Variants in SLC35F3 observed in about 807,000 individuals in gnomAD.
SLC35F3 encodes putative thiamine transporter SLC35F3.
In SLC35F3, 25 loss-of-function variants were observed where a neutral mutation model predicts 49.9. That is an observed-to-expected ratio of 0.50 (90% CI 0.37 to 0.70). The LOEUF (loss-of-function observed/expected upper bound fraction) is 0.70, where lower values mean the gene tolerates loss of function less well. Ranked by LOEUF, SLC35F3 falls within the 30% of genes least tolerant of loss-of-function variation. The pLI is 0.00. For missense variants in SLC35F3, 525 were observed against 639.8 expected (o/e 0.82, Z 1.94); for synonymous variants, 275 against 265.4 (o/e 1.04, Z -0.35).
chr1:233,962,651 G>GT (rs1662823093), intron 2 of SLC35F3, among the ~76,000 whole-genome samples: 5 of 152,284 alleles, frequency 3.3e-5, no homozygotes, highest in African/African-American at 1.2e-4. Context: ...GTACCTTGAG[G>GT]AGTTGCTTCA....
intron 3 of SLC35F3, among the ~76,000 whole-genome samples, chr1:234,274,880 A>C (rs1055568419): frequency 6.6e-6 from 1 of 152,236 alleles, no homozygotes; most frequent in Non-Finnish European, 1.5e-5. Context: ...AAGAACAAAA[A>C]ATGCCATGCA....
chr1:234,113,128 C>G (rs936745143), intron 2 of SLC35F3, among the ~76,000 whole-genome samples: 2 of 152,104 alleles, frequency 1.3e-5, no homozygotes, highest in Non-Finnish European at 1.5e-5. Context: ...ATGTGCTGTG[C>G]TTAAAGTTTC....
intron 2 of SLC35F3, among the ~76,000 whole-genome samples, chr1:234,107,929 C>T (rs1665308734): frequency 6.6e-6 from 1 of 151,792 alleles, no homozygotes; most frequent in Non-Finnish European, 1.5e-5. Flanking sequence ...ATTTGGAAAA[C>T]CTGACTTGCT....
intron 2 of SLC35F3, among the ~76,000 whole-genome samples, chr1:233,963,351 A>G (rs1662837896): frequency 6.8e-6 from 1 of 147,110 alleles, no homozygotes; most frequent in Non-Finnish European, 1.5e-5. Context: ...CCCAGACTGG[A>G]GTGCAGTGGT....
At chr1:234,206,233 A>T (rs920473836) in intron 2 of SLC35F3, among the ~76,000 whole-genome samples, 3 of 152,112 alleles carry the variant, frequency 2.0e-5, no homozygotes, top group African/African-American at 7.2e-5. Context: ...GTGGAGCAGC[A>T]GAGCTGGGTC....
chr1:234,207,422 C>T (rs796903527), intron 2 of SLC35F3, among the ~76,000 whole-genome samples: 1 of 1,700 alleles, frequency 5.9e-4, no homozygotes, highest in Non-Finnish European at 1.7e-3. Context: ...TCCTTTCTCC[C>T]TCCCTCTTTC....
chr1:234,275,445 C>G (rs1668188769), intron 3 of SLC35F3, among the ~76,000 whole-genome samples: 1 of 152,102 alleles, frequency 6.6e-6, no homozygotes, highest in Non-Finnish European at 1.5e-5. Context: ...CCCCTGAATT[C>G]CTTATTTTAT....
intron 2 of SLC35F3, among the ~76,000 whole-genome samples, chr1:233,990,655 A>G (rs1663340469): frequency 6.6e-6 from 1 of 152,186 alleles, no homozygotes; most frequent in Non-Finnish European, 1.5e-5. Context: ...CTGTGAGGTG[A>G]TGGATATGTG....
intron 2 of SLC35F3, among the ~76,000 whole-genome samples, chr1:234,076,986 G>C (rs1664801014): frequency 1.4e-5 from 2 of 138,486 alleles, no homozygotes; most frequent in Non-Finnish European, 3.0e-5. Context: ...AAAAGAAAGA[G>C]GTTTTTTTTT....
At chr1:234,112,720 T>TA (rs1665427191) in intron 2 of SLC35F3, among the ~76,000 whole-genome samples, 1 of 72,824 alleles carries the variant, frequency 1.4e-5, no homozygotes, top group African/African-American at 5.0e-5. Flanking sequence ...CATGCCCAGC[T>TA]AATTTTTTTT....
At chr1:234,168,920 GA>G (rs1666357134) in intron 2 of SLC35F3, among the ~76,000 whole-genome samples, 1 of 152,154 alleles carries the variant, frequency 6.6e-6, no homozygotes, top group Non-Finnish European at 1.5e-5. Flanking sequence ...TTTATTATGG[GA>G]ATTGGCTTAC....
rs562270619 is a variant in SLC35F3, at chr1:234,227,122, C to A, written c.284-4295C>A. Among the ~76,000 whole-genome samples the A allele has an allele frequency of 2.6e-5, 4 of 152,292 alleles. No individual in the cohort carries two copies. In the South Asian group the frequency reaches 8.3e-4, roughly 32 times the overall value. The stretch of plus-strand genomic sequence containing the variant: ...AGGGAGATGTTTGAATCCACAATTA[C>A]AGCGTCTGTCAGCACGAGCATTGGG... On this transcript the variant is annotated intron_variant, in intron 2 of 7. Coordinates refer to ENST00000366618, the MANE Select transcript of SLC35F3 (RefSeq NM_173508.4).
chr1:234,128,492 T>A (rs1417451743), intron 2 of SLC35F3, among the ~76,000 whole-genome samples: 1 of 151,930 alleles, frequency 6.6e-6, no homozygotes, highest in Admixed American at 6.6e-5. Flanking sequence ...GGGTGAGGGA[T>A]GAGAATGAGG....
chr1:234,056,092 T>G (rs533412607), intron 2 of SLC35F3, among the ~76,000 whole-genome samples: 5 of 152,276 alleles, frequency 3.3e-5, no homozygotes, highest in African/African-American at 7.2e-5. Flanking sequence ...CTGAATTGAT[T>G]TGAGTGTCTC....
At chr1:234,164,305 CCT>C (rs1666278847) in intron 2 of SLC35F3, among the ~76,000 whole-genome samples, 3 of 150,596 alleles carry the variant, frequency 2.0e-5, no homozygotes, top group Middle Eastern at 6.8e-3. Context: ...TTTCTCTTTC[CCT>C]CTCTTTCTCT....
chr1:234,001,426 A>G (rs1663552047), intron 2 of SLC35F3, among the ~76,000 whole-genome samples: 1 of 152,208 alleles, frequency 6.6e-6, no homozygotes, highest in Admixed American at 6.5e-5. Flanking sequence ...TTGGATTTCC[A>G]ATATTGAATG....
rs723473 is a variant in SLC35F3 at position 234,018,237 on chromosome 1, G to A, written c.283+112479G>A. Among the ~76,000 whole-genome samples, 380 of 152,224 alleles carry A rather than the reference G, an allele frequency of 2.5e-3. 2 individuals carry two copies. The highest frequency in any genetic ancestry group is 6.8e-3 in the Middle Eastern group (2 of 294). On this transcript the variant is annotated intron_variant, in intron 2 of 7. Coordinates refer to ENST00000366618, the MANE Select transcript of SLC35F3 (RefSeq NM_173508.4). ...AAATACAGAATCCGTGAATAATGAG[G>A]ATCCACTGTATCTAACATAATAATT...
At chr1:234,286,287 T>C (rs1041500323) in intron 3 of SLC35F3, among the ~76,000 whole-genome samples, 2 of 151,506 alleles carry the variant, frequency 1.3e-5, no homozygotes, top group Admixed American at 6.6e-5. Flanking sequence ...AGCTATTGGC[T>C]ACAACTGGCT....
chr1:234,019,639 G>T (rs536789582), intron 2 of SLC35F3, among the ~76,000 whole-genome samples: 1 of 152,222 alleles, frequency 6.6e-6, no homozygotes, highest in South Asian at 2.1e-4. Flanking sequence ...ACAGATTTAA[G>T]TTTTAGTCAC....
Sources: allele counts gnomAD v4.1 joint callset (sites outside exome capture counted in the v4.1 genomes callset), GRCh38; gene constraint gnomAD v4.1.1; transcripts MANE v1.5; gene names NCBI Gene and HGNC (gene_info 2026-07-23, HGNC 2026-07-21).